CSNK2A1: variants seen among roughly 807,000 people sequenced by gnomAD.
The protein encoded by CSNK2A1 is casein kinase 2 alpha 1.
Under a neutral mutation model 62.9 loss-of-function variants are expected in CSNK2A1, and 10 were observed. That is an observed-to-expected ratio of 0.16 (90% CI 0.10 to 0.27). The LOEUF (loss-of-function observed/expected upper bound fraction) is 0.27. Ranked by LOEUF, CSNK2A1 falls within the 10% of genes least tolerant of loss-of-function variation. The pLI, the probability that CSNK2A1 is intolerant of heterozygous loss-of-function variation, is 1.00. For synonymous variants in CSNK2A1, 124 were observed against 167.8 expected, an observed-to-expected ratio of 0.74 and a Z score of 2.02; for missense variants, 160 against 492.0, an observed-to-expected ratio of 0.33 and a Z score of 6.38.
intron 9 of CSNK2A1, among the ~76,000 whole-genome samples, chr20:491,782 G>A (rs887866487): frequency 6.6e-6 from 1 of 152,092 alleles, no homozygotes; most frequent in Non-Finnish European, 1.5e-5. Context: ...AAAATTAGCT[G>A]GGGTGGTGGT....
At chr20:485,357 A>T (rs1180576166) in intron 13 of CSNK2A1, among the ~76,000 whole-genome samples, 2 of 151,484 alleles carry the variant, frequency 1.3e-5, no homozygotes, top group Non-Finnish European at 2.9e-5. Flanking sequence ...AATTTTTTGT[A>T]TTTCCAGTAG....
chr20:503,044 T>C (rs1393788752), intron 4 of CSNK2A1: 1 of 153,276 alleles, frequency 6.5e-6, no homozygotes, highest in African/African-American at 2.4e-5. Flanking sequence ...TAATAATATA[T>C]CACCTCATTC....
chr20:515,276 C>T (rs117686523), intron 2 of CSNK2A1, among the ~76,000 whole-genome samples: 72 of 152,300 alleles, frequency 4.7e-4, no homozygotes, highest in Admixed American at 8.5e-4. Context: ...TCTTGGATTT[C>T]TTGCTTGACA....
intron 2 of CSNK2A1, among the ~76,000 whole-genome samples, chr20:513,951 G>A (rs1460812541): frequency 3.3e-5 from 5 of 152,092 alleles, no homozygotes; most frequent in African/African-American, 1.2e-4. Context: ...CAAATGGCTG[G>A]CCTTCATTAA....
intron 4 of CSNK2A1, chr20:503,845 G>A (rs945144400): frequency 5.1e-6 from 2 of 395,582 alleles, no homozygotes; most frequent in Admixed American, 4.4e-5. Flanking sequence ...TTTAATTTAT[G>A]TGAATAACTT....
intron 3 of CSNK2A1, among the ~76,000 whole-genome samples, chr20:505,504 C>T (rs1021442207): frequency 6.6e-5 from 10 of 151,422 alleles, no homozygotes; most frequent in African/African-American, 9.7e-5. Flanking sequence ...GGACCACAGG[C>T]GCCTGCCACC....
At chr20:484,534 C>T (rs774753484) in intron 13 of CSNK2A1, among the ~76,000 whole-genome samples, 1 of 152,212 alleles carries the variant, frequency 6.6e-6, no homozygotes, top group Non-Finnish European at 1.5e-5. Context: ...CACATGACTG[C>T]AGTCAAAGCT....
chr20:536,073 C>G (rs180949864), intron 1 of CSNK2A1, among the ~76,000 whole-genome samples: 1 of 152,160 alleles, frequency 6.6e-6, no homozygotes, highest in East Asian at 1.9e-4. Context: ...CAAAAGAATC[C>G]TAGACTCACC....
rs1272391168 is a variant in CSNK2A1 at position 483,794 on chromosome 20, G to T, written c.*167C>A. On this transcript the variant is annotated 3_prime_UTR_variant, in exon 14 of 14. Coordinates refer to ENST00000217244, the MANE Select transcript of CSNK2A1 (RefSeq NM_177559.3). ...AAAAAAAAAAGAAAAAAGAAAATCAGCCTATTATAATTTTTTTTTTATGAC... is the reference window on the plus strand; with the variant it reads ...AAAAAAAAAAGAAAAAAGAAAATCATCCTATTATAATTTTTTTTTTATGAC... The T allele has an allele frequency of 1.4e-5, 6 of 438,814 alleles. No homozygotes were observed. Among genetic ancestry groups the T allele is most frequent in the South Asian group, 1.3e-4 (1 of 7,940 alleles). The allele number at this position is 438,814 out of a possible 1,614,324, so 27.2% of individuals were successfully genotyped here. A position where few individuals can be genotyped will look rare whatever the true frequency, so the allele number is the denominator to read the frequency against.
rs954430446 is a variant in CSNK2A1, at chr20:483,367, C to A, written c.*594G>T. 6.6e-6 allele frequency: 1 copy of A among 152,280 alleles called. No homozygotes were observed. The highest frequency in any genetic ancestry group is 2.4e-5 in the African/African-American group (1 of 41,454). 9.4% of individuals were successfully genotyped at this position (152,280 alleles called of 1,614,324 possible). ...TCAACATCTTGATGTAACTAAGACA[C>A]ACTTCCACAAGAGCCACTAGGATAA... is the stretch of plus-strand genomic sequence containing the variant. On this transcript the variant is annotated 3_prime_UTR_variant, in exon 14 of 14. Coordinates refer to ENST00000217244, the MANE Select transcript of CSNK2A1 (RefSeq NM_177559.3).
At chr20:529,395 G>C (rs2019166061) in intron 1 of CSNK2A1, among the ~76,000 whole-genome samples, 1 of 152,116 alleles carries the variant, frequency 6.6e-6, no homozygotes, top group African/African-American at 2.4e-5. Flanking sequence ...ATCCAGCCCT[G>C]GATGTGAATC....
At chr20:487,998 T>C (rs779034898) in intron 11 of CSNK2A1, 9 of 207,728 alleles carry the variant, frequency 4.3e-5, no homozygotes, top group Admixed American at 1.0e-4. Context: ...ATAAGTACTA[T>C]ATCTAGTCAC....
At chr20:531,649 G>C (rs2019215587) in intron 1 of CSNK2A1, among the ~76,000 whole-genome samples, 1 of 152,064 alleles carries the variant, frequency 6.6e-6, no homozygotes, top group East Asian at 1.9e-4. Context: ...TCCTGAGTTA[G>C]ACAAACAGAA....
chr20:534,630 T>C (rs1568569091), intron 1 of CSNK2A1, among the ~76,000 whole-genome samples: 2 of 152,140 alleles, frequency 1.3e-5, no homozygotes, highest in African/African-American at 2.4e-5. Context: ...AAAACAGTCA[T>C]AAAAGATGGC....
intron 8 of CSNK2A1, among the ~76,000 whole-genome samples, chr20:493,657 C>T (rs1015259178): frequency 1.3e-5 from 2 of 152,186 alleles, no homozygotes; most frequent in African/African-American, 4.8e-5. Flanking sequence ...ACCAGTTTTA[C>T]ATGCACGCAT....
intron 9 of CSNK2A1, among the ~76,000 whole-genome samples, chr20:491,115 A>T (rs1019422577): frequency 1.3e-5 from 2 of 152,192 alleles, no homozygotes. Flanking sequence ...CCAAGAAAGA[A>T]ATTCCTACAA....
At chr20:492,621 T>C (rs1301022792) in intron 8 of CSNK2A1, 15 of 455,748 alleles carry the variant, frequency 3.3e-5, no homozygotes, top group Admixed American at 2.6e-4. Flanking sequence ...AAAATGTCCC[T>C]ACTACCCAGC....
chr20:539,014 C>T (rs1399313538), intron 1 of CSNK2A1, among the ~76,000 whole-genome samples: 1 of 152,204 alleles, frequency 6.6e-6, no homozygotes, highest in Admixed American at 6.5e-5. Flanking sequence ...ACAGGTTCCA[C>T]TCAACACCAT....
intron 1 of CSNK2A1, among the ~76,000 whole-genome samples, chr20:531,129 T>G (rs1568564717): frequency 6.6e-6 from 1 of 151,984 alleles, no homozygotes; most frequent in Non-Finnish European, 1.5e-5. Flanking sequence ...GTATTAAAAT[T>G]TTTCACAATT....
Sources: gnomAD v4.1 joint callset for allele counts (sites outside exome capture counted in the v4.1 genomes callset) on GRCh38, gnomAD v4.1.1 for gene constraint, MANE v1.5 for transcripts, NCBI Gene and HGNC (gene_info 2026-07-23, HGNC 2026-07-21) for gene names.